WWOX: variants seen among roughly 807,000 people sequenced by gnomAD.
The protein encoded by WWOX is WW domain-containing oxidoreductase.
A neutral mutation model predicts 46.2 loss-of-function variants in WWOX; 69 were observed. The ratio of observed to expected loss-of-function variants is 1.49; its 90% CI spans 1.23 to 1.82. The LOEUF (loss-of-function observed/expected upper bound fraction) is 1.82. Among genes scored for constraint, WWOX ranks in the 40% most tolerant of loss-of-function variants. The pLI is 0.00. For missense variants in WWOX, 919 were observed against 542.6 expected (o/e 1.69, Z -6.89); for synonymous variants, 359 against 202.6 (o/e 1.77, Z -6.56).
intron 8 of WWOX, among the ~76,000 whole-genome samples, chr16:78,811,929 T>C (rs1024441270): frequency 6.6e-6 from 1 of 152,186 alleles, no homozygotes; most frequent in African/African-American, 2.4e-5. Context: ...TAGGGTTCTT[T>C]TGAGGAATAA....
At chr16:79,159,449 C>G (rs1224555960) in intron 8 of WWOX, among the ~76,000 whole-genome samples, 1 of 152,214 alleles carries the variant, frequency 6.6e-6, no homozygotes, top group Non-Finnish European at 1.5e-5. Context: ...CTCCTGGCAT[C>G]TCGAATGAGC....
At chr16:78,394,363 A>T (rs1460391898) in intron 6 of WWOX, among the ~76,000 whole-genome samples, 4 of 152,166 alleles carry the variant, frequency 2.6e-5, no homozygotes, top group Non-Finnish European at 5.9e-5. Flanking sequence ...AAATTTTGAA[A>T]AGTCTACAAG....
chr16:78,159,384 C>G (rs776866787), intron 4 of WWOX, among the ~76,000 whole-genome samples: 1 of 152,056 alleles, frequency 6.6e-6, no homozygotes, highest in African/African-American at 2.4e-5. Flanking sequence ...TTTTGAGGAA[C>G]CTCCATACTG....
chr16:78,612,708 C>A (rs1235655774), intron 8 of WWOX, among the ~76,000 whole-genome samples: 1 of 152,122 alleles, frequency 6.6e-6, no homozygotes, highest in African/African-American at 2.4e-5. Flanking sequence ...CTCCTGGCCT[C>A]TCAAGCCATC....
chr16:78,964,259 T>C (rs999244560), intron 8 of WWOX, among the ~76,000 whole-genome samples: 1 of 152,210 alleles, frequency 6.6e-6, no homozygotes, highest in Non-Finnish European at 1.5e-5. Flanking sequence ...TGGGAAAGTT[T>C]GGAGCTTCCT....
chr16:78,729,539 G>C (rs866908141), intron 8 of WWOX, among the ~76,000 whole-genome samples: 6 of 151,984 alleles, frequency 3.9e-5, no homozygotes, highest in Admixed American at 6.6e-5. Flanking sequence ...AGAGGGTGAA[G>C]TTGTGCATCC....
chr16:78,718,812 T>G (rs1320316588), intron 8 of WWOX, among the ~76,000 whole-genome samples: 2 of 152,170 alleles, frequency 1.3e-5, no homozygotes, highest in African/African-American at 2.4e-5. Context: ...CCAGGAATTA[T>G]TCTATTGGTT....
chr16:78,613,022 C>A (rs541832748), intron 8 of WWOX, among the ~76,000 whole-genome samples: 4 of 152,252 alleles, frequency 2.6e-5, no homozygotes, highest in African/African-American at 9.6e-5. Flanking sequence ...CCACTCAGTA[C>A]TTCTGGGTTC....
intron 8 of WWOX, among the ~76,000 whole-genome samples, chr16:78,903,266 A>C (rs1440552073): frequency 6.6e-6 from 1 of 152,214 alleles, no homozygotes; most frequent in Non-Finnish European, 1.5e-5. Flanking sequence ...AACCAATCAG[A>C]GGCTGAAGTG....
At chr16:78,177,397 C>T (rs78907618) in intron 5 of WWOX, among the ~76,000 whole-genome samples, 4,255 of 152,198 alleles carry the variant, frequency 0.028, 197 homozygotes, top group African/African-American at 0.096. Context: ...TCGATGCCAG[C>T]GCCTGGGTAG....
chr16:78,103,333 G>A (rs1597197878), intron 1 of WWOX, among the ~76,000 whole-genome samples: 1 of 149,760 alleles, frequency 6.7e-6, no homozygotes, highest in East Asian at 2.0e-4. Flanking sequence ...AAGTAAACCT[G>A]TGCCATGGTG....
intron 8 of WWOX, among the ~76,000 whole-genome samples, chr16:78,607,644 C>G (rs200627267): frequency 4.2e-5 from 6 of 141,564 alleles, no homozygotes; most frequent in African/African-American, 1.6e-4. Context: ...ATTTGTTCTT[C>G]TTTTTTTTTT....
At chr16:78,920,309 A>C (rs2045349735) in intron 8 of WWOX, among the ~76,000 whole-genome samples, 1 of 152,150 alleles carries the variant, frequency 6.6e-6, no homozygotes, top group Non-Finnish European at 1.5e-5. Flanking sequence ...GGGATGTGTA[A>C]TCTCCCCATA....
chr16:78,825,945 C>G (rs2051641948), intron 8 of WWOX: 8 of 811,660 alleles, frequency 9.9e-6, no homozygotes, highest in Non-Finnish European at 1.4e-5. Context: ...ACTCCCATCT[C>G]AGAACAGAAG....
At chr16:78,796,545 C>G (rs911063659) in intron 8 of WWOX, among the ~76,000 whole-genome samples, 6 of 152,372 alleles carry the variant, frequency 3.9e-5, no homozygotes, top group African/African-American at 1.4e-4. Context: ...ATTGCCTTCT[C>G]AGGCTTGCTT....
intron 8 of WWOX, among the ~76,000 whole-genome samples, chr16:78,617,996 G>A (rs906787877): frequency 1.3e-5 from 2 of 152,140 alleles, no homozygotes; most frequent in African/African-American, 2.4e-5. Flanking sequence ...TTAACAATTA[G>A]TGTTTATTGA....
chr16:78,638,553 T>C (rs1453533326), intron 8 of WWOX, among the ~76,000 whole-genome samples: 1 of 152,182 alleles, frequency 6.6e-6, no homozygotes, highest in Non-Finnish European at 1.5e-5. Context: ...TGAATGACCC[T>C]GTTAATTGCA....
At position 78,483,738 on chromosome 16, in the gene WWOX, G is replaced by A. The variant is rs561511247; in HGVS notation, c.1056+50986G>A. Among the ~76,000 whole-genome samples the A allele has an allele frequency of 1.1e-4, 17 of 152,068 alleles. No individual in the cohort carries two copies. The South Asian group carries it at 2.3e-3, about 20-fold the overall frequency. On this transcript the variant is annotated intron_variant, in intron 8 of 8. Coordinates refer to ENST00000566780, the MANE Select transcript of WWOX (RefSeq NM_016373.4). Reference sequence around the variant, plus strand: ...AATTCTTTTTTTCAAATGCAGCATCGCTTGAAGCTGTGATAAAATATCACA... The same window carrying A: ...AATTCTTTTTTTCAAATGCAGCATCACTTGAAGCTGTGATAAAATATCACA...
intron 8 of WWOX, among the ~76,000 whole-genome samples, chr16:79,085,602 G>A (rs1469951586): frequency 6.6e-6 from 1 of 151,978 alleles, no homozygotes; most frequent in Admixed American, 6.6e-5. Context: ...AGGTAAAAGT[G>A]GTCCACATAG....
Sources: gnomAD v4.1 joint callset for allele counts (sites outside exome capture counted in the v4.1 genomes callset) on GRCh38, gnomAD v4.1.1 for gene constraint, MANE v1.5 for transcripts, NCBI Gene and HGNC (gene_info 2026-07-23, HGNC 2026-07-21) for gene names.